The following TANC2 variants were observed in gnomAD, a reference collection of about 807,000 sequenced individuals.
TANC2 encodes tetratricopeptide repeat, ankyrin repeat and coiled-coil containing 2.
TANC2 carries 26 observed loss-of-function variants against 210.5 expected under a neutral mutation model. That is an observed-to-expected ratio of 0.12 (90% CI 0.09 to 0.17). The LOEUF (loss-of-function observed/expected upper bound fraction) is 0.17, where lower values mean the gene tolerates loss of function less well. Among genes scored for constraint, TANC2 ranks in the 10% least tolerant of loss-of-function variants. The pLI is 1.00. For missense variants in TANC2, 2,129 were observed against 2,608.9 expected (o/e 0.82, Z 4.01); for synonymous variants, 931 against 967.1 (o/e 0.96, Z 0.69).
chr17:63,283,510 T>TTGGA (rs993593964), intron 9 of TANC2, among the ~76,000 whole-genome samples: 22 of 151,510 alleles, frequency 1.5e-4, no homozygotes, highest in African/African-American at 2.7e-4. Flanking sequence ...GGAGATTGCA[T>TTGGA]TGGATGGATG....
chr17:63,177,616 T>TA (rs935736037), intron 5 of TANC2, among the ~76,000 whole-genome samples: 40 of 152,298 alleles, frequency 2.6e-4, no homozygotes, highest in African/African-American at 9.1e-4. Context: ...ATAAGCACTT[T>TA]AAAAAACTCA....
At chr17:63,218,647 G>A (rs972378561) in intron 7 of TANC2, among the ~76,000 whole-genome samples, 33 of 152,284 alleles carry the variant, frequency 2.2e-4, no homozygotes, top group African/African-American at 7.9e-4. Context: ...TGTAATCCCA[G>A]TACTTTGGGA....
intron 9 of TANC2, among the ~76,000 whole-genome samples, chr17:63,278,180 C>G (rs1169500547): frequency 6.6e-6 from 1 of 151,962 alleles, no homozygotes; most frequent in South Asian, 2.1e-4. Flanking sequence ...GGAGAAGCAA[C>G]AGAGTAACAA....
At chr17:63,078,316 C>A (rs1467534583) in intron 3 of TANC2, among the ~76,000 whole-genome samples, 2 of 152,062 alleles carry the variant, frequency 1.3e-5, no homozygotes, top group Non-Finnish European at 2.9e-5. Flanking sequence ...TTCTCACTGT[C>A]CTGATCATTT....
chr17:63,083,007 A>G (rs1202930303), intron 3 of TANC2, among the ~76,000 whole-genome samples: 3 of 152,206 alleles, frequency 2.0e-5, no homozygotes, highest in Non-Finnish European at 2.9e-5. Context: ...AAGTCTCTGA[A>G]TATCCAGTAA....
chr17:63,245,344 A>T (rs1472230975), intron 8 of TANC2, among the ~76,000 whole-genome samples: 1 of 152,226 alleles, frequency 6.6e-6, no homozygotes, highest in Non-Finnish European at 1.5e-5. Flanking sequence ...TCTCACATGT[A>T]TAAAAATAAT....
At chr17:63,028,230 G>T (rs1001712128) in intron 2 of TANC2, among the ~76,000 whole-genome samples, 2 of 152,052 alleles carry the variant, frequency 1.3e-5, no homozygotes, top group Non-Finnish European at 2.9e-5. Context: ...GAAGGAACAA[G>T]TAACATTGAA....
intron 12 of TANC2, among the ~76,000 whole-genome samples, chr17:63,346,321 A>G (rs1567937326): frequency 6.6e-6 from 1 of 152,242 alleles, no homozygotes; most frequent in Non-Finnish European, 1.5e-5. Context: ...ACTAAGAAAA[A>G]GGAAAAGCAA....
intron 4 of TANC2, among the ~76,000 whole-genome samples, chr17:63,112,829 A>G (rs2145050154): frequency 6.6e-6 from 1 of 152,324 alleles, no homozygotes; most frequent in South Asian, 2.1e-4. Flanking sequence ...TGTTTCCAAG[A>G]ATTGGGTATC....
chr17:63,055,083 A>G (rs1215752308), intron 2 of TANC2, among the ~76,000 whole-genome samples: 3 of 152,200 alleles, frequency 2.0e-5, no homozygotes, highest in Non-Finnish European at 4.4e-5. Flanking sequence ...AGGAATAGTC[A>G]CCCAGTTGCA....
intron 3 of TANC2, among the ~76,000 whole-genome samples, chr17:63,082,599 A>G (rs1292162175): frequency 6.6e-6 from 1 of 152,098 alleles, no homozygotes; most frequent in Non-Finnish European, 1.5e-5. Context: ...CAGAGAGGTA[A>G]TTTTCTGATC....
At chr17:63,298,285 G>A (rs925642075) in intron 9 of TANC2, among the ~76,000 whole-genome samples, 2 of 152,240 alleles carry the variant, frequency 1.3e-5, no homozygotes, top group Non-Finnish European at 2.9e-5. Context: ...AGTAGCCAAA[G>A]GTAGAAACAA....
chr17:63,416,674 T>C (rs990006739), intron 26 of TANC2, among the ~76,000 whole-genome samples: 4 of 151,858 alleles, frequency 2.6e-5, no homozygotes, highest in African/African-American at 7.3e-5. Flanking sequence ...AGCCATGACC[T>C]TCAGAGGCAG....
intron 7 of TANC2, among the ~76,000 whole-genome samples, chr17:63,209,256 G>A (rs368691518): frequency 4.0e-5 from 6 of 150,622 alleles, no homozygotes; most frequent in South Asian, 2.1e-4. Flanking sequence ...CAAGCAGTCC[G>A]CCCGCCTCAG....
chr17:63,246,791 A>G (rs995772310), intron 8 of TANC2, among the ~76,000 whole-genome samples: 1 of 152,154 alleles, frequency 6.6e-6, no homozygotes, highest in Non-Finnish European at 1.5e-5. Context: ...GTTTGGGTAG[A>G]CATATGTTTT....
chr17:63,127,264 G>C (rs1249659570), intron 4 of TANC2, among the ~76,000 whole-genome samples: 1 of 152,102 alleles, frequency 6.6e-6, no homozygotes, highest in Non-Finnish European at 1.5e-5. Context: ...GTCTAGTCTA[G>C]TTTATACTTA....
intron 19 of TANC2, chr17:63,399,119 C>A: frequency 2.9e-6 from 1 of 348,052 alleles, no homozygotes; most frequent in Non-Finnish European, 5.2e-6. Flanking sequence ...CTCTTTGCAC[C>A]AGAGTCTTCT....
chr17:63,206,755 C>T (rs537278036), intron 7 of TANC2, among the ~76,000 whole-genome samples: 2 of 152,136 alleles, frequency 1.3e-5, no homozygotes, highest in South Asian at 4.2e-4. Context: ...TTAATGGATA[C>T]AGAATTTCAG....
chr17:63,094,434 T>C (rs2037314670), intron 3 of TANC2, among the ~76,000 whole-genome samples: 1 of 152,180 alleles, frequency 6.6e-6, no homozygotes, highest in Non-Finnish European at 1.5e-5. Context: ...CCTGTGTACT[T>C]TTTAAAAGTA....
Sources: gnomAD v4.1 joint callset for allele counts (sites outside exome capture counted in the v4.1 genomes callset) on GRCh38, gnomAD v4.1.1 for gene constraint, MANE v1.5 for transcripts, NCBI Gene and HGNC (gene_info 2026-07-23, HGNC 2026-07-21) for gene names.